Variants in EPHA4 observed in about 807,000 individuals in gnomAD.
The protein encoded by EPHA4 is ephrin type-A receptor 4.
In EPHA4, 19 loss-of-function variants were observed where a neutral mutation model predicts 108.3. The observed-to-expected ratio is 0.18, with a 90% CI of 0.12 to 0.26. The LOEUF (loss-of-function observed/expected upper bound fraction) is 0.26. EPHA4 is among the 10% of genes least tolerant of loss of function. The pLI, the probability that EPHA4 is intolerant of heterozygous loss-of-function variation, is 1.00. For synonymous variants in EPHA4, 449 were observed against 455.5 expected, an observed-to-expected ratio of 0.99 and a Z score of 0.18; for missense variants, 917 against 1,254.0, an observed-to-expected ratio of 0.73 and a Z score of 4.06.
At chr2:221,518,531 T>TA (rs1198809432) in intron 3 of EPHA4, among the ~76,000 whole-genome samples, 1 of 152,134 alleles carries the variant, frequency 6.6e-6, no homozygotes, top group African/African-American at 2.4e-5. Flanking sequence ...TCACCACAAA[T>TA]ATGTAGACTA....
Position 221,460,576 on chromosome 2 carries a change from C to G in EPHA4, c.1319-2586G>C, listed in dbSNP as rs189739292. Among the ~76,000 whole-genome samples the G allele has an allele frequency of 4.5e-3, 678 of 152,298 alleles. 6 individuals are homozygous for G. The highest frequency in any genetic ancestry group is 4.5e-3 in the Non-Finnish European group (309 of 68,016). On this transcript the variant is annotated intron_variant, in intron 5 of 17. Coordinates refer to ENST00000281821, the MANE Select transcript of EPHA4 (RefSeq NM_004438.5). ...ACTGCATTGTATGTGGAGAGCTTACCTTCTCTAGTAAGAAGGAGTTTGAGA... is the reference window on the plus strand; with the variant it reads ...ACTGCATTGTATGTGGAGAGCTTACGTTCTCTAGTAAGAAGGAGTTTGAGA...
intron 11 of EPHA4, among the ~76,000 whole-genome samples, chr2:221,439,111 T>C (rs917714618): frequency 6.6e-6 from 1 of 152,164 alleles, no homozygotes; most frequent in Admixed American, 6.5e-5. Context: ...CACTTTTGCA[T>C]TAGAAAATGG....
At chr2:221,538,090 CA>C (rs1350692563) in intron 3 of EPHA4, among the ~76,000 whole-genome samples, 1 of 152,058 alleles carries the variant, frequency 6.6e-6, no homozygotes, top group Non-Finnish European at 1.5e-5. Flanking sequence ...GAGTGTGTGG[CA>C]AAATGAGTAA....
intron 2 of EPHA4, among the ~76,000 whole-genome samples, chr2:221,566,171 A>G (rs952495612): frequency 6.6e-6 from 1 of 152,210 alleles, no homozygotes; most frequent in Non-Finnish European, 1.5e-5. Flanking sequence ...ATAGACAAAC[A>G]ATGGATTGTC....
chr2:221,454,691 T>TC (rs1690888665), intron 8 of EPHA4, among the ~76,000 whole-genome samples: 1 of 152,132 alleles, frequency 6.6e-6, no homozygotes, highest in Non-Finnish European at 1.5e-5. Context: ...CAATGACTAC[T>TC]CCTCTGGAGC....
chr2:221,426,067 G>A lies in EPHA4; in HGVS notation c.2922C>T (p.Thr974=), dbSNP rs1290786127. 1 of 1,614,088 alleles carries A rather than the reference G, an allele frequency of 6.2e-7. No homozygotes were observed. The highest frequency in any genetic ancestry group is 8.5e-7 in the Non-Finnish European group (1 of 1,180,022). The part of the protein sequence containing the change: ...KILSSVQAMR[T]QMQQMHGRMV... ...TTCTGCCGTGCATCTGCTGCATTTG[G>A]GTTCGCATTGCCTGGACACTGCTCA... The change falls in exon 17 of 18, where the codon ACC becomes ACT. Residue 974 remains threonine, a synonymous_variant. Coordinates refer to ENST00000281821, the MANE Select transcript of EPHA4 (RefSeq NM_004438.5).
chr2:221,504,253 G>T (rs1692566393), intron 3 of EPHA4, among the ~76,000 whole-genome samples: 1 of 152,134 alleles, frequency 6.6e-6, no homozygotes, highest in African/African-American at 2.4e-5. Flanking sequence ...ATGGAGAAAA[G>T]ATTAGTTCAC....
intron 3 of EPHA4, among the ~76,000 whole-genome samples, chr2:221,509,271 T>C (rs555834526): frequency 5.3e-5 from 8 of 152,132 alleles, no homozygotes; most frequent in Non-Finnish European, 8.8e-5. Flanking sequence ...GAGGTTGCAG[T>C]GAGCCGAGAT....
chr2:221,502,657 C>T (rs1382879056), intron 3 of EPHA4: 4 of 462,032 alleles, frequency 8.7e-6, no homozygotes, highest in African/African-American at 4.0e-5. Flanking sequence ...TCCACCCACT[C>T]GCATATCCTG....
At chr2:221,471,132 G>C (rs771484316) in intron 5 of EPHA4, among the ~76,000 whole-genome samples, 4 of 152,154 alleles carry the variant, frequency 2.6e-5, no homozygotes, top group Non-Finnish European at 4.4e-5. Context: ...AACTGGATCT[G>C]TGTTTGAGAA....
intron 3 of EPHA4, among the ~76,000 whole-genome samples, chr2:221,547,533 G>A (rs1392791499): frequency 6.6e-6 from 1 of 152,154 alleles, no homozygotes; most frequent in South Asian, 2.1e-4. Context: ...CTTTGACAAG[G>A]TCTCCAGCCT....
intron 3 of EPHA4, among the ~76,000 whole-genome samples, chr2:221,541,751 C>T (rs1693845477): frequency 6.6e-6 from 1 of 152,174 alleles, no homozygotes; most frequent in Admixed American, 6.5e-5. Flanking sequence ...GGGAGCACCA[C>T]CACCCAAACA....
At chr2:221,437,854 C>T (rs1690294124) in intron 11 of EPHA4, among the ~76,000 whole-genome samples, 1 of 151,904 alleles carries the variant, frequency 6.6e-6, no homozygotes. Flanking sequence ...ACTCGGGAGG[C>T]CAAGGTTGTA....
intron 3 of EPHA4, among the ~76,000 whole-genome samples, chr2:221,514,534 T>C (rs1190077233): frequency 6.6e-6 from 1 of 152,174 alleles, no homozygotes; most frequent in Non-Finnish European, 1.5e-5. Flanking sequence ...AAGCCAAAAG[T>C]GCTTGCAGGT....
At chr2:221,562,987 AAACTCAAT>A (rs1195463969) in intron 3 of EPHA4, among the ~76,000 whole-genome samples, 2 of 152,248 alleles carry the variant, frequency 1.3e-5, no homozygotes, top group Non-Finnish European at 2.9e-5. Flanking sequence ...ATTTCTTCAA[AAACTCAAT>A]AACTGAAATC....
intron 3 of EPHA4, among the ~76,000 whole-genome samples, chr2:221,508,990 G>A (rs1258607943): frequency 6.6e-6 from 1 of 151,986 alleles, no homozygotes; most frequent in Admixed American, 6.6e-5. Flanking sequence ...CTGTTTTCTG[G>A]ATAGTAAAAT....
At chr2:221,453,112 C>G (rs1028056986) in intron 8 of EPHA4, among the ~76,000 whole-genome samples, 4 of 152,164 alleles carry the variant, frequency 2.6e-5, no homozygotes, top group Non-Finnish European at 5.9e-5. Context: ...AGCTGGACTA[C>G]AACTAGAGAA....
chr2:221,431,296 GCCAT>G (rs1346901006), intron 14 of EPHA4, among the ~76,000 whole-genome samples: 1 of 152,170 alleles, frequency 6.6e-6, no homozygotes, highest in Non-Finnish European at 1.5e-5. Flanking sequence ...CAGTGGTTGA[GCCAT>G]CCCAATGACT....
chr2:221,471,515 T>A (rs1691487949), intron 5 of EPHA4, among the ~76,000 whole-genome samples: 1 of 152,278 alleles, frequency 6.6e-6, no homozygotes, highest in Non-Finnish European at 1.5e-5. Context: ...GGAAATTATT[T>A]TTGTGTTTTC....
Sources: gnomAD v4.1 joint callset for allele counts (sites outside exome capture counted in the v4.1 genomes callset) on GRCh38, gnomAD v4.1.1 for gene constraint, MANE v1.5 for transcripts, NCBI Gene and HGNC (gene_info 2026-07-23, HGNC 2026-07-21) for gene names.